LPP: variants seen among roughly 807,000 people sequenced by gnomAD.
LPP encodes the protein lipoma-preferred partner.
A neutral mutation model predicts 60.4 loss-of-function variants in LPP; 38 were observed. The ratio of observed to expected loss-of-function variants is 0.63; its 90% confidence interval spans 0.49 to 0.83. The LOEUF (loss-of-function observed/expected upper bound fraction) is 0.83, where lower values mean the gene tolerates loss of function less well. Ranked by LOEUF, LPP falls within the 40% of genes least tolerant of loss-of-function variation. The probability of loss-of-function intolerance (pLI) is 0.00; values close to 1 mark genes in which losing one functional copy is unlikely to be tolerated. For synonymous variants in LPP, 328 were observed against 290.8 expected (o/e 1.13, Z -1.30); for missense variants, 902 against 783.6 (o/e 1.15, Z -1.80).
At chr3:188,310,846 A>G (rs1753173578) in intron 2 of LPP, among the ~76,000 whole-genome samples, 1 of 152,152 alleles carries the variant, frequency 6.6e-6, no homozygotes, top group African/African-American at 2.4e-5. Flanking sequence ...TTATTTTTTA[A>G]AAGAATCCTT....
intron 5 of LPP, among the ~76,000 whole-genome samples, chr3:188,509,465 G>T (rs1323771411): frequency 6.6e-6 from 1 of 152,144 alleles, no homozygotes; most frequent in African/African-American, 2.4e-5. Context: ...CAACAGGTGG[G>T]ATTCTTTTTG....
At chr3:188,261,603 A>C (rs1409006902) in intron 2 of LPP, among the ~76,000 whole-genome samples, 2 of 152,198 alleles carry the variant, frequency 1.3e-5, no homozygotes, top group Non-Finnish European at 2.9e-5. Context: ...CTTCATGATG[A>C]AAAAAGGAAA....
intron 8 of LPP, among the ~76,000 whole-genome samples, chr3:188,722,402 A>G (rs1292869421): frequency 6.6e-6 from 1 of 152,194 alleles, no homozygotes; most frequent in African/African-American, 2.4e-5. Flanking sequence ...TAGATGATAC[A>G]GCAGTAATAA....
chr3:188,315,567 G>C (rs1025788324), intron 2 of LPP, among the ~76,000 whole-genome samples: 3 of 152,066 alleles, frequency 2.0e-5, no homozygotes, highest in Admixed American at 2.0e-4. Context: ...TTGCTAAATA[G>C]TGTTTTTAAT....
intron 2 of LPP, among the ~76,000 whole-genome samples, chr3:188,232,857 A>G (rs1720574653): frequency 6.6e-6 from 1 of 152,130 alleles, no homozygotes; most frequent in Admixed American, 6.5e-5. Context: ...CATGGAGTGA[A>G]GAGTGCCTAC....
At chr3:188,777,452 G>A (rs117116081) in intron 9 of LPP, among the ~76,000 whole-genome samples, 1 of 152,092 alleles carries the variant, frequency 6.6e-6, no homozygotes, top group Non-Finnish European at 1.5e-5. Flanking sequence ...ATCAGTATTT[G>A]GGAAACTCAC....
chr3:188,609,580 G>T lies in LPP; in HGVS notation c.849G>T (p.Pro283=). 6.2e-7 allele frequency: 1 copy of T among 1,614,148 alleles called. No homozygotes were observed. The highest frequency in any genetic ancestry group is 8.5e-7 in the Non-Finnish European group (1 of 1,180,036). ...ACATTCCACCACCAGGACTTCAGCC[G>T]GAGCCTGGGTATGGGTATGCCCCCA... is the stretch of plus-strand genomic sequence containing the variant. ...YAYIPPPGLQ[P]EPGYGYAPNQ... Residue 283 remains proline (P), a synonymous_variant, in exon 7 of 12, where the codon CCG becomes CCT. Coordinates refer to ENST00000617246, the MANE Select transcript of LPP (RefSeq NM_001375462.1). The surrounding 1 kb of genome is among the most constrained non-coding windows in gnomAD (Gnocchi z 6.9).
Position 188,676,390 on chromosome 3 carries a change from G to A in LPP, c.1114-31877G>A, listed in dbSNP as rs188901543. 1.2e-3 allele frequency among the ~76,000 whole-genome samples: 188 copies of A among 152,270 alleles called. 3 individuals carry two copies. The highest frequency in any genetic ancestry group is 4.2e-3 in the African/African-American group (173 of 41,554). ...TCTTAGGTAATTTAGATAGGTAGAA[G>A]ACAGGTCATTAGCACTGAAGTTGAG... On this transcript the variant is annotated intron_variant, in intron 7 of 11. Coordinates refer to ENST00000617246, the MANE Select transcript of LPP (RefSeq NM_001375462.1).
chr3:188,481,588 T>C (rs1326675260), intron 4 of LPP, among the ~76,000 whole-genome samples: 1 of 152,234 alleles, frequency 6.6e-6, no homozygotes, highest in African/African-American at 2.4e-5. Flanking sequence ...GAAGGATATA[T>C]TTGGAAGGGA....
At chr3:188,330,424 C>G (rs1293472321) in intron 2 of LPP, among the ~76,000 whole-genome samples, 1 of 152,098 alleles carries the variant, frequency 6.6e-6, no homozygotes, top group East Asian at 1.9e-4. Flanking sequence ...TTTCCTAGTT[C>G]TCATTCACCG....
intron 2 of LPP, among the ~76,000 whole-genome samples, chr3:188,278,453 G>C (rs927762162): frequency 6.6e-6 from 1 of 152,212 alleles, no homozygotes; most frequent in Non-Finnish European, 1.5e-5. Flanking sequence ...GAGACCTGCT[G>C]TGTGTGCTAT....
At chr3:188,447,617 A>G (rs1795554828) in intron 4 of LPP, among the ~76,000 whole-genome samples, 1 of 151,652 alleles carries the variant, frequency 6.6e-6, no homozygotes, top group Admixed American at 6.6e-5. Context: ...CAAAAAAAAA[A>G]AAAAAAAAAA....
chr3:188,426,548 G>C (rs1560389192), intron 4 of LPP, among the ~76,000 whole-genome samples: 3 of 152,040 alleles, frequency 2.0e-5, no homozygotes, highest in Admixed American at 6.6e-5. Flanking sequence ...TATTGACAGT[G>C]GGGTGTTAAA....
chr3:188,378,016 C>T (rs1775702689), intron 3 of LPP, among the ~76,000 whole-genome samples: 2 of 152,310 alleles, frequency 1.3e-5, no homozygotes, highest in South Asian at 4.1e-4. Context: ...GGCTGCAGAA[C>T]AGCGGATATT....
At chr3:188,362,036 G>A (rs138900765) in intron 3 of LPP, among the ~76,000 whole-genome samples, 43 of 152,248 alleles carry the variant, frequency 2.8e-4, no homozygotes, top group African/African-American at 9.1e-4. Context: ...TGCACCAAGC[G>A]AAATGTACAG....
At chr3:188,622,327 T>A (rs1272925674) in intron 7 of LPP, among the ~76,000 whole-genome samples, 1 of 152,172 alleles carries the variant, frequency 6.6e-6, no homozygotes, top group Admixed American at 6.5e-5. Flanking sequence ...TCTCTTCGTG[T>A]TCATTAATAG....
At chr3:188,190,621 T>A (rs887947396) in intron 1 of LPP, among the ~76,000 whole-genome samples, 3 of 152,200 alleles carry the variant, frequency 2.0e-5, no homozygotes, top group African/African-American at 7.2e-5. Flanking sequence ...GGTGCATATT[T>A]CAGAGGGTGA....
At chr3:188,445,449 T>G (rs2149297718) in intron 4 of LPP, among the ~76,000 whole-genome samples, 1 of 152,112 alleles carries the variant, frequency 6.6e-6, no homozygotes, top group South Asian at 2.1e-4. Context: ...TGAGAACACA[T>G]GGACACAGGG....
At chr3:188,700,631 AGT>A (rs1171352044) in intron 7 of LPP, among the ~76,000 whole-genome samples, 3 of 152,164 alleles carry the variant, frequency 2.0e-5, no homozygotes, top group African/African-American at 7.2e-5. Flanking sequence ...CCCCAAGTGT[AGT>A]GAAAGTTCAG....
Sources: allele counts gnomAD v4.1 joint callset (sites outside exome capture counted in the v4.1 genomes callset), GRCh38; gene constraint gnomAD v4.1.1; non-coding constraint Gnocchi (gnomAD v3.1); transcripts MANE v1.5; gene names NCBI Gene and HGNC (gene_info 2026-07-23, HGNC 2026-07-21).